Variants in MAGI2 observed in about 807,000 individuals in gnomAD.
The protein encoded by MAGI2 is membrane-associated guanylate kinase, WW and PDZ domain-containing protein 2.
MAGI2 carries 35 observed loss-of-function variants against 133.3 expected under a neutral mutation model. That is an observed-to-expected ratio of 0.26 (90% CI 0.20 to 0.35). MAGI2 has a LOEUF of 0.35. MAGI2 is among the 10% of genes least tolerant of loss of function. MAGI2 has a pLI of 1.00. For synonymous variants in MAGI2, 729 were observed against 710.6 expected (o/e 1.03, Z -0.41); for missense variants, 1,636 against 1,863.4 (o/e 0.88, Z 2.25).
At chr7:79,423,164 A>G (rs924308740) in intron 1 of MAGI2, among the ~76,000 whole-genome samples, 3 of 152,062 alleles carry the variant, frequency 2.0e-5, no homozygotes, top group Non-Finnish European at 2.9e-5. Context: ...AAATATACGT[A>G]TTGGTACTTT....
intron 2 of MAGI2, among the ~76,000 whole-genome samples, chr7:78,662,422 T>A (rs909362996): frequency 6.6e-6 from 1 of 152,206 alleles, no homozygotes; most frequent in Non-Finnish European, 1.5e-5. Context: ...ACACTAGCAC[T>A]TCCTTAAGGT....
rs141493977 is a variant in MAGI2 at position 78,977,968 on chromosome 7, A to G, written c.418+29122T>C. Among the ~76,000 whole-genome samples, 7 of 151,936 alleles carry G rather than the reference A, an allele frequency of 4.6e-5. No individual in the cohort carries two copies. The East Asian group carries it at 1.4e-3, about 30-fold the overall frequency. ...TAGGGAAATGCAAATTAAAACAACAATGAGGTACCACTATGCAACTATTAG... is the reference window on the plus strand; with the variant it reads ...TAGGGAAATGCAAATTAAAACAACAGTGAGGTACCACTATGCAACTATTAG... On this transcript the variant is annotated intron_variant, in intron 2 of 21. Transcript: ENST00000354212.
chr7:79,028,322 TATATACATATATATACAC>T (rs1810207675), intron 1 of MAGI2, among the ~76,000 whole-genome samples: 5 of 28,494 alleles, frequency 1.8e-4, no homozygotes, highest in African/African-American at 4.9e-4. Context: ...TACACACATA[TATATACATATATATACAC>T]ACACACACAC....
intron 1 of MAGI2, among the ~76,000 whole-genome samples, chr7:79,219,213 G>A (rs945397062): frequency 4.0e-5 from 6 of 151,896 alleles, no homozygotes; most frequent in Admixed American, 1.3e-4. Flanking sequence ...TAGTTAAAAA[G>A]CATACATGGC....
chr7:78,133,824 G>C (rs1821810946), intron 17 of MAGI2, among the ~76,000 whole-genome samples: 1 of 152,288 alleles, frequency 6.6e-6, no homozygotes, highest in East Asian at 1.9e-4. Flanking sequence ...TTATAAAGCA[G>C]CATGGCCATT....
At position 79,180,507 on chromosome 7, in the gene MAGI2, C is replaced by T. The variant is rs192202492; in HGVS notation, c.302-173301G>A. 2.6e-5 allele frequency among the ~76,000 whole-genome samples: 4 copies of T among 152,130 alleles called. No homozygotes were observed. In the East Asian group the frequency reaches 5.8e-4, roughly 22 times the overall value. On this transcript the variant is annotated intron_variant, in intron 1 of 21. Transcript: ENST00000354212. ...AGCTCCCATGAGACTTATTCACCATCATGAGAACACAACAGAAAAGACCTG... is the reference window on the plus strand; with the variant it reads ...AGCTCCCATGAGACTTATTCACCATTATGAGAACACAACAGAAAAGACCTG...
At chr7:79,137,342 G>A (rs989439676) in intron 1 of MAGI2, among the ~76,000 whole-genome samples, 4 of 152,020 alleles carry the variant, frequency 2.6e-5, no homozygotes, top group African/African-American at 9.7e-5. Flanking sequence ...CCATTCTGAG[G>A]GATGCCATGG....
chr7:78,020,582 A>AT (rs965973370), intron 21 of MAGI2, among the ~76,000 whole-genome samples: 1 of 150,880 alleles, frequency 6.6e-6, no homozygotes, highest in African/African-American at 2.4e-5. Flanking sequence ...CAAAAAAAAA[A>AT]GGTCCATGCA....
At chr7:78,808,054 T>G (rs1788733140) in intron 2 of MAGI2, among the ~76,000 whole-genome samples, 1 of 152,142 alleles carries the variant, frequency 6.6e-6, no homozygotes, top group Admixed American at 6.5e-5. Flanking sequence ...TCTTGAGCTG[T>G]TAATGATCGA....
rs199705920 is a variant in MAGI2 at position 79,277,538 on chromosome 7, G to GTATA, written c.301+175478_301+175481dup. Among the ~76,000 whole-genome samples, 29 of 151,816 alleles carry GTATA rather than the reference G, an allele frequency of 1.9e-4. No individual in the cohort carries two copies. In the East Asian group the frequency reaches 5.6e-3, roughly 29 times the overall value. ...AACATATGTGCTGATCATCTAAAAT[G>GTATA]TATATATATATACAGAGCTACATGC... On this transcript the variant is annotated intron_variant, in intron 1 of 21. Transcript: ENST00000354212.
chr7:79,215,845 C>A (rs915762252), intron 1 of MAGI2, among the ~76,000 whole-genome samples: 4 of 151,886 alleles, frequency 2.6e-5, no homozygotes, highest in Admixed American at 1.3e-4. Context: ...GCAAAATAAA[C>A]TTCTAAATTG....
intron 1 of MAGI2, among the ~76,000 whole-genome samples, chr7:79,366,240 A>G (rs1842703908): frequency 1.3e-5 from 2 of 152,112 alleles, no homozygotes; most frequent in South Asian, 4.1e-4. Flanking sequence ...TCAAAAAAAC[A>G]AAAAACAAAC....
At chr7:78,095,166 A>G (rs551587106) in intron 20 of MAGI2, among the ~76,000 whole-genome samples, 2 of 152,326 alleles carry the variant, frequency 1.3e-5, no homozygotes, top group Non-Finnish European at 2.9e-5. Flanking sequence ...GGAAGACAAG[A>G]TTTCTGACCT....
At chr7:79,358,883 C>A (rs1390073554) in intron 1 of MAGI2, among the ~76,000 whole-genome samples, 1 of 152,146 alleles carries the variant, frequency 6.6e-6, no homozygotes, top group African/African-American at 2.4e-5. Flanking sequence ...AAGACCTAAG[C>A]AGGCTGACTT....
chr7:78,042,063 C>T (rs992410972), intron 21 of MAGI2, among the ~76,000 whole-genome samples: 8 of 152,180 alleles, frequency 5.3e-5, no homozygotes, highest in Non-Finnish European at 1.0e-4. Flanking sequence ...TGAGAGCATC[C>T]ATGAGTACAG....
intron 21 of MAGI2, among the ~76,000 whole-genome samples, chr7:78,071,549 A>G (rs1389714151): frequency 6.6e-6 from 1 of 151,918 alleles, no homozygotes; most frequent in Non-Finnish European, 1.5e-5. Flanking sequence ...CTGCCAGAAA[A>G]AAAAGAAAGC....
At chr7:78,589,917 T>A (rs1803819306) in intron 3 of MAGI2, among the ~76,000 whole-genome samples, 1 of 152,192 alleles carries the variant, frequency 6.6e-6, no homozygotes, top group African/African-American at 2.4e-5. Flanking sequence ...CAGGAGGCCA[T>A]TAGAAATGCA....
chr7:78,426,266 T>A (rs1799264070), intron 6 of MAGI2, among the ~76,000 whole-genome samples: 1 of 152,182 alleles, frequency 6.6e-6, no homozygotes, highest in African/African-American at 2.4e-5. Flanking sequence ...ATAGGAAGCA[T>A]CCTATTTCAA....
At chr7:78,401,714 C>T (rs908580237) in intron 6 of MAGI2, among the ~76,000 whole-genome samples, 4 of 152,004 alleles carry the variant, frequency 2.6e-5, no homozygotes, top group South Asian at 4.1e-4. Flanking sequence ...TAGAATACAT[C>T]GACAGCTGTT....
Sources: allele counts gnomAD v4.1 joint callset (sites outside exome capture counted in the v4.1 genomes callset), GRCh38; gene constraint gnomAD v4.1.1; transcripts MANE v1.5; gene names NCBI Gene and HGNC (gene_info 2026-07-23, HGNC 2026-07-21).